Variants in MAF observed in about 807,000 individuals in gnomAD.
MAF encodes the protein transcription factor Maf.
MAF carries 10 observed loss-of-function variants against 22.0 expected under a neutral mutation model. The observed-to-expected ratio is 0.45, with a 90% CI of 0.28 to 0.77. The LOEUF (loss-of-function observed/expected upper bound fraction) is 0.77, where lower values mean the gene tolerates loss of function less well. Ranked by LOEUF, MAF falls within the 30% of genes least tolerant of loss-of-function variation. The pLI, the probability that MAF is intolerant of heterozygous loss-of-function variation, is 0.12. For missense variants in MAF, 544 were observed against 548.4 expected (o/e 0.99, Z 0.08); for synonymous variants, 337 against 255.8 (o/e 1.32, Z -3.03).
At chr16:79,239,636 T>C in the MAF span, among the ~76,000 whole-genome samples, 1 of 152,040 alleles carries the variant, frequency 6.6e-6, no homozygotes. Flanking sequence ...ATGGTTTCTT[T>C]CCTAGCATGT....
chr16:79,436,951 C>T, the MAF span, among the ~76,000 whole-genome samples: 243 of 152,298 alleles, frequency 1.6e-3, 1 homozygote, highest in African/African-American at 5.5e-3. Context: ...ATGGCTGATA[C>T]TCCTTTGAAA....
At chr16:79,431,200 C>A in the MAF span, among the ~76,000 whole-genome samples, 3 of 152,258 alleles carry the variant, frequency 2.0e-5, no homozygotes, top group East Asian at 1.9e-4. Context: ...AGTGAACAAC[C>A]TACTCAACCA....
At chr16:79,326,485 T>C in the MAF span, among the ~76,000 whole-genome samples, 3 of 152,246 alleles carry the variant, frequency 2.0e-5, no homozygotes, top group Non-Finnish European at 2.9e-5. Context: ...CTGTTGGATA[T>C]AGCAACATTT....
At chr16:79,586,651 G>C (rs1912859410) in intron 1 of MAF, among the ~76,000 whole-genome samples, 3 of 152,244 alleles carry the variant, frequency 2.0e-5, no homozygotes, top group African/African-American at 7.2e-5. Flanking sequence ...GCTTTCTATG[G>C]TTCAAAAAAC....
At chr16:79,346,744 G>C in the MAF span, among the ~76,000 whole-genome samples, 1 of 152,226 alleles carries the variant, frequency 6.6e-6, no homozygotes, top group Non-Finnish European at 1.5e-5. Context: ...TTGTAATGGA[G>C]ACTGAAAACA....
chr16:79,598,295 AC>A, intron 1 of MAF: 1 of 1,084,800 alleles, frequency 9.2e-7, no homozygotes, highest in Non-Finnish European at 1.1e-6. Context: ...AATAAAACAC[AC>A]ACACACACAG....
chr16:79,525,902 T>G, the MAF span, among the ~76,000 whole-genome samples: 3 of 152,180 alleles, frequency 2.0e-5, no homozygotes, highest in African/African-American at 7.2e-5. Flanking sequence ...ACATCCCTGC[T>G]CTATAAGTCA....
the MAF span, among the ~76,000 whole-genome samples, chr16:79,543,690 C>CTTTTTTTTTTTTTT: frequency 1.7e-5 from 2 of 116,644 alleles, no homozygotes; most frequent in Admixed American, 8.5e-5. Flanking sequence ...TTTTTTTTTT[C>CTTTTTTTTTTTTTT]TTTTTTTTTT....
At chr16:79,462,237 T>G in the MAF span, among the ~76,000 whole-genome samples, 1 of 152,224 alleles carries the variant, frequency 6.6e-6, no homozygotes, top group African/African-American at 2.4e-5. Flanking sequence ...CTGCACTGAT[T>G]TCATTTCTTC....
the MAF span, among the ~76,000 whole-genome samples, chr16:79,529,531 G>A: frequency 5.3e-5 from 8 of 152,088 alleles, no homozygotes; most frequent in Non-Finnish European, 1.2e-4. Flanking sequence ...CAACAACAAT[G>A]CCAATCTTAA....
At chr16:79,217,035 C>A in the MAF span, among the ~76,000 whole-genome samples, 9 of 152,186 alleles carry the variant, frequency 5.9e-5, no homozygotes, top group Admixed American at 2.6e-4. Flanking sequence ...GTCTCGAACT[C>A]CTGCCCTAAA....
the MAF span, among the ~76,000 whole-genome samples, chr16:79,437,532 G>A: frequency 6.6e-6 from 1 of 152,200 alleles, no homozygotes; most frequent in Admixed American, 6.5e-5. Context: ...AGGTGGTTGA[G>A]GAGGTACCCA....
chr16:79,420,577 G>A, the MAF span, among the ~76,000 whole-genome samples: 1 of 150,828 alleles, frequency 6.6e-6, no homozygotes, highest in African/African-American at 2.5e-5. Flanking sequence ...ACAACCTCCC[G>A]CACCAGAGTG....
chr16:79,440,570 G>A, the MAF span, among the ~76,000 whole-genome samples: 1 of 152,148 alleles, frequency 6.6e-6, no homozygotes, highest in Non-Finnish European at 1.5e-5. Flanking sequence ...TGAGTAGCTG[G>A]AACTACAGGT....
the MAF span, among the ~76,000 whole-genome samples, chr16:79,399,070 G>A: frequency 6.6e-6 from 1 of 152,160 alleles, no homozygotes; most frequent in Non-Finnish European, 1.5e-5. Flanking sequence ...AGACAGACAA[G>A]GACTGACCTG....
chr16:79,521,330 G>T, the MAF span, among the ~76,000 whole-genome samples: 3 of 152,216 alleles, frequency 2.0e-5, no homozygotes, highest in Non-Finnish European at 4.4e-5. Flanking sequence ...ACCACTGTTG[G>T]TTTAATGGAT....
chr16:79,589,747 C>G (rs977765918), downstream of MAF, among the ~76,000 whole-genome samples: 1 of 152,296 alleles, frequency 6.6e-6, no homozygotes, highest in Non-Finnish European at 1.5e-5. Flanking sequence ...TAGGGCAGTC[C>G]TTTTGACTTT....
chr16:79,290,724 G>A, the MAF span, among the ~76,000 whole-genome samples: 2 of 152,078 alleles, frequency 1.3e-5, no homozygotes, highest in East Asian at 3.9e-4. Context: ...AGCTTCCAAT[G>A]ATGCCTCATT....
the MAF span, among the ~76,000 whole-genome samples, chr16:79,426,745 T>G: frequency 6.6e-6 from 1 of 152,218 alleles, no homozygotes; most frequent in East Asian, 1.9e-4. Context: ...CTAGGCAAAG[T>G]GAATTCATAA....
Sources: gnomAD v4.1 joint callset for allele counts (sites outside exome capture counted in the v4.1 genomes callset) on GRCh38, gnomAD v4.1.1 for gene constraint, MANE v1.5 for transcripts, NCBI Gene and HGNC (gene_info 2026-07-23, HGNC 2026-07-21) for gene names.